The following NRIP1 variants were observed in gnomAD, a reference collection of about 807,000 sequenced individuals.
The protein encoded by NRIP1 is nuclear receptor-interacting protein 1.
A neutral mutation model predicts 75.0 loss-of-function variants in NRIP1; 28 were observed. The ratio of observed to expected loss-of-function variants is 0.37; its 90% CI spans 0.28 to 0.51. NRIP1 has a LOEUF of 0.51. Among genes scored for constraint, NRIP1 ranks in the 20% least tolerant of loss-of-function variants. The pLI is 0.92. For missense variants in NRIP1, 1,435 were observed against 1,343.7 expected, an observed-to-expected ratio of 1.07 and a Z score of -1.06; for synonymous variants, 526 against 487.6, an observed-to-expected ratio of 1.08 and a Z score of -1.04.
At chr21:14,982,684 G>A (rs1253041968) in intron 3 of NRIP1, among the ~76,000 whole-genome samples, 1 of 148,766 alleles carries the variant, frequency 6.7e-6, no homozygotes, top group Non-Finnish European at 1.5e-5. Context: ...ATTGTACTTT[G>A]CCATTATTGT....
chr21:15,033,885 T>C (rs981160197), intron 2 of NRIP1, among the ~76,000 whole-genome samples: 18 of 152,206 alleles, frequency 1.2e-4, no homozygotes, highest in African/African-American at 4.3e-4. Flanking sequence ...CTTGGTCACC[T>C]GGTCTCCTGA....
At chr21:15,023,843 G>A (rs757086674) in intron 2 of NRIP1, among the ~76,000 whole-genome samples, 12 of 152,176 alleles carry the variant, frequency 7.9e-5, no homozygotes, top group Non-Finnish European at 2.9e-5. Flanking sequence ...CTGGAAAGGA[G>A]AAAAACAAAT....
chr21:15,009,491 T>C (rs963515238), intron 3 of NRIP1, among the ~76,000 whole-genome samples: 1 of 152,214 alleles, frequency 6.6e-6, no homozygotes, highest in African/African-American at 2.4e-5. Context: ...ACACAATTTT[T>C]GGAAGAAGAC....
chr21:15,002,851 T>C (rs1021967105), intron 3 of NRIP1, among the ~76,000 whole-genome samples: 2 of 152,204 alleles, frequency 1.3e-5, no homozygotes, highest in African/African-American at 2.4e-5. Context: ...AAGTCTACTT[T>C]ACCAAGAAAA....
chr21:15,047,632 A>G (rs1568730196), intron 1 of NRIP1, among the ~76,000 whole-genome samples: 2 of 152,330 alleles, frequency 1.3e-5, no homozygotes, highest in Non-Finnish European at 2.9e-5. Flanking sequence ...AACTGCCTCC[A>G]TGATTCAATT....
intron 2 of NRIP1, among the ~76,000 whole-genome samples, chr21:15,026,623 G>C (rs949162185): frequency 1.3e-5 from 2 of 151,996 alleles, no homozygotes; most frequent in Non-Finnish European, 2.9e-5. Context: ...GTAAATATAA[G>C]TACACCTATA....
Position 15,038,448 on chromosome 21 carries a change from G to A in NRIP1, c.-458+5047C>T, listed in dbSNP as rs992305847. Among the ~76,000 whole-genome samples, 2 of 151,834 alleles carry A rather than the reference G, an allele frequency of 1.3e-5. 1 individual carries two copies. Among genetic ancestry groups the A allele is most frequent in the South Asian group, 4.1e-4 (2 of 4,826 alleles). On this transcript the variant is annotated intron_variant, in intron 2 of 3. Transcript: ENST00000318948. ...CTATACTAAGATACCAAAATATAAT[G>A]TATGTCTCCTATATTTTACAGAAAC...
chr21:14,994,903 C>G lies in NRIP1; in HGVS notation c.-335+19441G>C, dbSNP rs77096638. Among the ~76,000 whole-genome samples the G allele has an allele frequency of 0.019, 2,847 of 152,272 alleles. 246 individuals are homozygous for G. In the East Asian group the frequency reaches 0.28, roughly 15 times the overall value. On this transcript the variant is annotated intron_variant, in intron 3 of 3. Transcript: ENST00000318948. The stretch of plus-strand genomic sequence containing the variant: ...ACAAGTTCAAGTATTCTAGAGCAAA[C>G]AAATTTTATTTTTCCCTCTGAAGTA...
Position 14,966,313 on chromosome 21 carries a change from G to A in NRIP1, c.1880C>T (p.Ala627Val). 1 of 1,614,078 alleles carries A rather than the reference G, an allele frequency of 6.2e-7. No homozygotes were observed. The highest frequency in any genetic ancestry group is 8.5e-7 in the Non-Finnish European group (1 of 1,179,974). Reference sequence around the variant, plus strand: ...TGCTAAATTTTGTAACAGCTTACTGGCACTAAACGTTGCAGAGTTCTGTGC... The same window carrying A: ...TGCTAAATTTTGTAACAGCTTACTGACACTAAACGTTGCAGAGTTCTGTGC... ...EGAQNSATFS[A>V]SKLLQNLAQC... Residue 627 changes from alanine (A) to valine (V), a missense_variant, in exon 4 of 4, where the codon GCC (alanine) becomes GTC (valine). Physicochemically the swap from Ala to Val is moderately conservative, Grantham distance 64. Coordinates refer to ENST00000318948, the MANE Select transcript of NRIP1 (RefSeq NM_003489.4).
At chr21:15,026,633 A>G (rs1194683510) in intron 2 of NRIP1, among the ~76,000 whole-genome samples, 1 of 152,184 alleles carries the variant, frequency 6.6e-6, no homozygotes, top group Non-Finnish European at 1.5e-5. Flanking sequence ...GTACACCTAT[A>G]TATGTATGTA....
At chr21:15,062,099 T>C (rs2089435493) in intron 1 of NRIP1, among the ~76,000 whole-genome samples, 1 of 152,220 alleles carries the variant, frequency 6.6e-6, no homozygotes, top group Admixed American at 6.5e-5. Flanking sequence ...TTAAAGATCT[T>C]GGAGGCCATC....
chr21:15,049,900 G>C (rs1213222695), intron 1 of NRIP1, among the ~76,000 whole-genome samples: 1 of 152,050 alleles, frequency 6.6e-6, no homozygotes, highest in African/African-American at 2.4e-5. Context: ...AGAACACACA[G>C]ATGGACATAT....
chr21:15,050,090 A>G (rs1346053351), intron 1 of NRIP1: 1 of 152,674 alleles, frequency 6.5e-6, no homozygotes, highest in South Asian at 2.1e-4. Flanking sequence ...TGTTATCTAC[A>G]TATAACTTTC....
chr21:15,032,899 C>A (rs1430132652), intron 2 of NRIP1, among the ~76,000 whole-genome samples: 1 of 152,118 alleles, frequency 6.6e-6, no homozygotes, highest in Non-Finnish European at 1.5e-5. Flanking sequence ...AAATATGGTT[C>A]TTTTAAATAA....
intron 2 of NRIP1, among the ~76,000 whole-genome samples, chr21:15,023,020 T>G (rs534531499): frequency 1.3e-5 from 2 of 152,212 alleles, no homozygotes; most frequent in Non-Finnish European, 2.9e-5. Flanking sequence ...AATAGGCAAA[T>G]TAATCTAGAC....
At chr21:14,993,870 T>C (rs1238159576) in intron 3 of NRIP1, among the ~76,000 whole-genome samples, 1 of 152,212 alleles carries the variant, frequency 6.6e-6, no homozygotes, top group Non-Finnish European at 1.5e-5. Context: ...TCCTTCTTTG[T>C]ATTACTTACT....
chr21:14,970,859 A>G (rs1189368429), intron 3 of NRIP1, among the ~76,000 whole-genome samples: 1 of 152,206 alleles, frequency 6.6e-6, no homozygotes, highest in Non-Finnish European at 1.5e-5. Flanking sequence ...AGTATTATTC[A>G]TTGCTTTAAA....
intron 2 of NRIP1, among the ~76,000 whole-genome samples, chr21:15,021,942 G>A (rs1197938364): frequency 1.3e-5 from 2 of 152,142 alleles, no homozygotes; most frequent in African/African-American, 4.8e-5. Context: ...CATTGCTGGT[G>A]GGAGTGTAAA....
At chr21:15,048,390 C>T (rs1056627838) in intron 1 of NRIP1, among the ~76,000 whole-genome samples, 7 of 152,134 alleles carry the variant, frequency 4.6e-5, no homozygotes, top group African/African-American at 1.7e-4. Flanking sequence ...ACCAAAGCTA[C>T]CCTACATCAT....
Sources: allele counts gnomAD v4.1 joint callset (sites outside exome capture counted in the v4.1 genomes callset), GRCh38; gene constraint gnomAD v4.1.1; transcripts MANE v1.5; gene names NCBI Gene and HGNC (gene_info 2026-07-23, HGNC 2026-07-21).